NRXN1: variants seen among roughly 807,000 people sequenced by gnomAD.
NRXN1 encodes the protein neurexin 1, also known as neurexin-1.
In NRXN1, 39 loss-of-function variants were observed where a neutral mutation model predicts 150.9. That is an observed-to-expected ratio of 0.26 (90% CI 0.20 to 0.34). The LOEUF (loss-of-function observed/expected upper bound fraction) is 0.34, where lower values mean the gene tolerates loss of function less well. Among genes scored for constraint, NRXN1 ranks in the 10% least tolerant of loss-of-function variants. The pLI is 1.00. For missense variants in NRXN1, 1,815 were observed against 1,949.9 expected (o/e 0.93, Z 1.30); for synonymous variants, 924 against 757.0 (o/e 1.22, Z -3.62).
chr2:50,583,986 T>C (rs1672688324), intron 8 of NRXN1, among the ~76,000 whole-genome samples: 1 of 152,192 alleles, frequency 6.6e-6, no homozygotes, highest in Admixed American at 6.5e-5. Flanking sequence ...AAATGTTTGT[T>C]GAATCACAAC....
intron 15 of NRXN1, among the ~76,000 whole-genome samples, chr2:50,494,075 C>T (rs541046600): frequency 1.3e-5 from 2 of 152,290 alleles, no homozygotes; most frequent in South Asian, 4.1e-4. Flanking sequence ...ATTACCTTCA[C>T]TTCCATTTGT....
At chr2:50,068,366 T>C (rs1695689278) in intron 19 of NRXN1, among the ~76,000 whole-genome samples, 2 of 147,306 alleles carry the variant, frequency 1.4e-5, no homozygotes, top group African/African-American at 2.5e-5. Flanking sequence ...TTGAATACTA[T>C]GGATATGAAT....
intron 2 of NRXN1, among the ~76,000 whole-genome samples, chr2:50,981,457 C>CAAAAAAAAAAAAAAA (rs70958635): frequency 8.6e-5 from 2 of 23,272 alleles, no homozygotes; most frequent in African/African-American, 1.8e-4. Flanking sequence ...AACTCTATCT[C>CAAAAAAAAAAAAAAA]AAAAAAAAAA....
At chr2:50,155,555 T>G (rs896184479) in intron 18 of NRXN1, among the ~76,000 whole-genome samples, 2 of 151,638 alleles carry the variant, frequency 1.3e-5, no homozygotes, top group Non-Finnish European at 3.0e-5. Context: ...TTATATAATT[T>G]GGTAAGATCC....
intron 18 of NRXN1, among the ~76,000 whole-genome samples, chr2:50,219,965 A>ATATATATTATATAT (rs2063728307): frequency 1.4e-4 from 8 of 56,764 alleles, no homozygotes; most frequent in Admixed American, 7.9e-4. Context: ...TATATATATT[A>ATATATATTATATAT]TATATATATA....
Position 50,892,746 on chromosome 2 carries a change from A to G in NRXN1, c.832+29123T>C, listed in dbSNP as rs529526075. ...CATGGCATATTGTGTACATACATAT[A>G]TTTATTCATAACATATGTATGTAAA... On this transcript the variant is annotated intron_variant, in intron 5 of 22. Coordinates refer to ENST00000401669, the MANE Select transcript of NRXN1 (RefSeq NM_001330078.2). Among the ~76,000 whole-genome samples the G allele has an allele frequency of 1.2e-3, 180 of 152,320 alleles. 1 individual carries two copies. Among genetic ancestry groups the G allele is most frequent in the Non-Finnish European group, 2.0e-3 (136 of 68,036 alleles).
intron 21 of NRXN1, among the ~76,000 whole-genome samples, chr2:50,034,396 A>G (rs1689682270): frequency 6.6e-6 from 1 of 152,166 alleles, no homozygotes; most frequent in South Asian, 2.1e-4. Flanking sequence ...ACAGGAACAG[A>G]AAAACAAATA....
intron 12 of NRXN1, among the ~76,000 whole-genome samples, chr2:50,511,056 CT>C (rs70948716): frequency 0.29 from 42,680 of 146,808 alleles, 6,713 homozygotes; most frequent in Admixed American, 0.37. Context: ...GTCTAACAAG[CT>C]TTTTTTTTTT....
chr2:50,282,762 A>T (rs879920065), intron 17 of NRXN1, among the ~76,000 whole-genome samples: 8 of 152,024 alleles, frequency 5.3e-5, no homozygotes, highest in East Asian at 1.9e-4. Context: ...CCAAGTTAAA[A>T]TTTTTTTCCA....
At chr2:50,182,601 C>A (rs2060804576) in intron 18 of NRXN1, among the ~76,000 whole-genome samples, 1 of 152,010 alleles carries the variant, frequency 6.6e-6, no homozygotes, top group African/African-American at 2.4e-5. Flanking sequence ...TATTGGATTT[C>A]TGTTGTTTCT....
At chr2:50,001,533 C>T (rs974607280) in intron 21 of NRXN1, among the ~76,000 whole-genome samples, 8 of 152,106 alleles carry the variant, frequency 5.3e-5, no homozygotes, top group Non-Finnish European at 7.4e-5. Flanking sequence ...GCCAAATTAT[C>T]GCATTCACAT....
intron 18 of NRXN1, among the ~76,000 whole-genome samples, chr2:50,121,943 A>T (rs1178790456): frequency 6.6e-6 from 1 of 152,228 alleles, no homozygotes; most frequent in Non-Finnish European, 1.5e-5. Flanking sequence ...ATACTAAATA[A>T]ACAAAACCTG....
intron 17 of NRXN1, among the ~76,000 whole-genome samples, chr2:50,369,742 G>C (rs563028931): frequency 1.3e-5 from 2 of 152,104 alleles, no homozygotes; most frequent in East Asian, 3.9e-4. Flanking sequence ...TCCAGGAAGA[G>C]TGGCTAATCG....
At chr2:50,449,653 G>T (rs1455181981) in intron 17 of NRXN1, among the ~76,000 whole-genome samples, 5 of 152,168 alleles carry the variant, frequency 3.3e-5, no homozygotes, top group Non-Finnish European at 7.3e-5. Context: ...GGGAGTGCAT[G>T]TGCAGGTTTG....
At chr2:50,672,451 C>T (rs1688990729) in intron 5 of NRXN1, among the ~76,000 whole-genome samples, 1 of 151,902 alleles carries the variant, frequency 6.6e-6, no homozygotes, top group South Asian at 2.1e-4. Flanking sequence ...CAAGAGGTAA[C>T]ACATGCTTGA....
At chr2:50,664,127 A>C (rs1358353903) in intron 5 of NRXN1, among the ~76,000 whole-genome samples, 3 of 152,038 alleles carry the variant, frequency 2.0e-5, no homozygotes, top group Non-Finnish European at 4.4e-5. Context: ...ATGCACAATT[A>C]AACAAACCAA....
intron 17 of NRXN1, among the ~76,000 whole-genome samples, chr2:50,462,923 GA>G (rs2088390311): frequency 6.6e-6 from 1 of 151,724 alleles, no homozygotes; most frequent in Non-Finnish European, 1.5e-5. Flanking sequence ...TTGGGGGAGG[GA>G]AGGTCTCATT....
chr2:50,456,247 T>C (rs1427485813), intron 17 of NRXN1, among the ~76,000 whole-genome samples: 1 of 152,090 alleles, frequency 6.6e-6, no homozygotes, highest in African/African-American at 2.4e-5. Flanking sequence ...CATTTCAAGT[T>C]AAGAAATGCC....
chr2:50,536,579 C>T (rs1010289877), intron 10 of NRXN1, among the ~76,000 whole-genome samples: 3 of 152,182 alleles, frequency 2.0e-5, no homozygotes, highest in African/African-American at 7.2e-5. Context: ...ATTCATGTGA[C>T]AGTTGAGTTA....
Sources: allele counts gnomAD v4.1 joint callset (sites outside exome capture counted in the v4.1 genomes callset), GRCh38; gene constraint gnomAD v4.1.1; transcripts MANE v1.5; gene names NCBI Gene and HGNC (gene_info 2026-07-23, HGNC 2026-07-21).